Variants in NYAP2 observed in about 807,000 individuals in gnomAD.
The protein encoded by NYAP2 is neuronal tyrosine-phosphorylated phosphoinositide-3-kinase adaptor 2.
NYAP2 carries 23 observed loss-of-function variants against 50.4 expected under a neutral mutation model. That is an observed-to-expected ratio of 0.46 (90% CI 0.33 to 0.65). NYAP2 has a LOEUF of 0.65. Ranked by LOEUF, NYAP2 falls within the 30% of genes least tolerant of loss-of-function variation. The pLI, the probability that NYAP2 is intolerant of heterozygous loss-of-function variation, is 0.02. For missense variants in NYAP2, 885 were observed against 861.0 expected, an observed-to-expected ratio of 1.03 and a Z score of -0.35; for synonymous variants, 394 against 365.2, an observed-to-expected ratio of 1.08 and a Z score of -0.90.
At chr2:225,442,245 A>C (rs1254924356) in intron 3 of NYAP2, among the ~76,000 whole-genome samples, 1 of 152,190 alleles carries the variant, frequency 6.6e-6, no homozygotes, top group South Asian at 2.1e-4. Context: ...TCAGAGGCAC[A>C]AAAGAAAAAA....
the NYAP2 span, among the ~76,000 whole-genome samples, chr2:225,689,924 T>C: frequency 6.6e-6 from 1 of 152,158 alleles, no homozygotes; most frequent in Admixed American, 6.6e-5. Flanking sequence ...ACTTATACAA[T>C]GTCATCAAAG....
At chr2:225,449,465 T>A (rs1689613519) in intron 3 of NYAP2, among the ~76,000 whole-genome samples, 1 of 152,158 alleles carries the variant, frequency 6.6e-6, no homozygotes, top group South Asian at 2.1e-4. Context: ...CAGTGAAGAG[T>A]GATAATATGA....
At chr2:225,524,627 A>G (rs970262434) in intron 4 of NYAP2, among the ~76,000 whole-genome samples, 1 of 152,168 alleles carries the variant, frequency 6.6e-6, no homozygotes, top group African/African-American at 2.4e-5. Context: ...CAAATATAAG[A>G]CCTGAAGCTA....
At chr2:225,468,792 A>T (rs975959780) in intron 3 of NYAP2, among the ~76,000 whole-genome samples, 1 of 152,214 alleles carries the variant, frequency 6.6e-6, no homozygotes, top group African/African-American at 2.4e-5. Flanking sequence ...GAAGAGGACA[A>T]AAAAGACAAA....
At chr2:225,494,548 C>G (rs1690467458) in intron 3 of NYAP2, among the ~76,000 whole-genome samples, 1 of 152,216 alleles carries the variant, frequency 6.6e-6, no homozygotes, top group East Asian at 1.9e-4. Flanking sequence ...AAGAAGATAC[C>G]AGATATCAAG....
chr2:225,531,127 T>C (rs1691247176), intron 4 of NYAP2, among the ~76,000 whole-genome samples: 1 of 152,222 alleles, frequency 6.6e-6, no homozygotes. Context: ...TTATCATTTA[T>C]CTGATAAAAC....
At chr2:225,665,923 C>G in the NYAP2 span, among the ~76,000 whole-genome samples, 2 of 147,980 alleles carry the variant, frequency 1.4e-5, no homozygotes, top group African/African-American at 2.5e-5. Context: ...TCCTTCTTAT[C>G]CCACTCCCTC....
chr2:225,612,278 A>T (rs1692899471), intron 5 of NYAP2, among the ~76,000 whole-genome samples: 1 of 151,654 alleles, frequency 6.6e-6, no homozygotes, highest in African/African-American at 2.4e-5. Context: ...CTGAAAAGAA[A>T]ATTCTGTTGT....
chr2:225,418,042 G>T (rs188902792), intron 3 of NYAP2, among the ~76,000 whole-genome samples: 35 of 152,230 alleles, frequency 2.3e-4, no homozygotes, highest in Non-Finnish European at 4.3e-4. Flanking sequence ...AGGGTCAGGG[G>T]TATGGGGAGA....
intron 3 of NYAP2, among the ~76,000 whole-genome samples, chr2:225,491,759 G>C (rs1024565152): frequency 3.9e-5 from 6 of 152,098 alleles, no homozygotes; most frequent in African/African-American, 1.4e-4. Context: ...TTTCCAGATT[G>C]GATATGATCT....
intron 4 of NYAP2, among the ~76,000 whole-genome samples, chr2:225,556,004 A>G (rs779362922): frequency 6.6e-6 from 1 of 152,210 alleles, no homozygotes; most frequent in South Asian, 2.1e-4. Flanking sequence ...AATGTATCAT[A>G]TAATTGACTT....
At chr2:225,622,551 TTCTTTCTTTTTCTTTC>T (rs1693130816) in intron 5 of NYAP2, among the ~76,000 whole-genome samples, 1 of 38,360 alleles carries the variant, frequency 2.6e-5, no homozygotes, top group African/African-American at 9.3e-5. Context: ...CTTTCTTTCT[TTCTTTCTTTTTCTTTC>T]TTTCTTTCTT....
At chr2:225,446,212 GTCTGTCTCTCTCTCTCTCTC>G (rs1446191833) in intron 3 of NYAP2, among the ~76,000 whole-genome samples, 1 of 47,286 alleles carries the variant, frequency 2.1e-5, no homozygotes, top group African/African-American at 5.7e-5. Context: ...CTGTCTGTCT[GTCTGTCTCTCTCTCTCTCTC>G]TCTCTCTCTC....
chr2:225,515,469 ATG>A (rs112169506), intron 4 of NYAP2, among the ~76,000 whole-genome samples: 75 of 149,604 alleles, frequency 5.0e-4, no homozygotes, highest in East Asian at 1.8e-3. Context: ...ATGAACATTC[ATG>A]TGTGTGTGTG....
At chr2:225,623,498 T>A (rs572928318) in intron 5 of NYAP2, among the ~76,000 whole-genome samples, 50 of 152,274 alleles carry the variant, frequency 3.3e-4, no homozygotes, top group Non-Finnish European at 5.6e-4. Flanking sequence ...CTTTTTTTTT[T>A]ATGTAAAAGT....
the NYAP2 span, among the ~76,000 whole-genome samples, chr2:225,663,972 C>G: frequency 6.6e-6 from 1 of 152,144 alleles, no homozygotes. Flanking sequence ...TTTGTCAAGT[C>G]TGGGATCAAG....
intron 5 of NYAP2, among the ~76,000 whole-genome samples, chr2:225,621,663 T>G (rs1478475068): frequency 6.6e-6 from 1 of 152,184 alleles, no homozygotes; most frequent in Non-Finnish European, 1.5e-5. Flanking sequence ...AAATAATGAT[T>G]AAAATAGTAC....
chr2:225,559,122 T>C (rs1691825520), intron 4 of NYAP2, among the ~76,000 whole-genome samples: 1 of 152,126 alleles, frequency 6.6e-6, no homozygotes, highest in Non-Finnish European at 1.5e-5. Flanking sequence ...TTTTGATGGA[T>C]TTGAAATTGT....
At chr2:225,469,405 C>T (rs1184235601) in intron 3 of NYAP2, among the ~76,000 whole-genome samples, 1 of 151,938 alleles carries the variant, frequency 6.6e-6, no homozygotes, top group Admixed American at 6.6e-5. Flanking sequence ...AATGCTTTTT[C>T]ACTGTTGTAA....
Sources: gnomAD v4.1 joint callset for allele counts (sites outside exome capture counted in the v4.1 genomes callset) on GRCh38, gnomAD v4.1.1 for gene constraint, MANE v1.5 for transcripts, NCBI Gene and HGNC (gene_info 2026-07-23, HGNC 2026-07-21) for gene names.